C19orf44: variants seen among roughly 807,000 people sequenced by gnomAD.
C19orf44 encodes uncharacterized protein C19orf44.
C19orf44 carries 43 observed loss-of-function variants against 50.7 expected under a neutral mutation model. The ratio of observed to expected loss-of-function variants is 0.85; its 90% CI spans 0.66 to 1.09. The LOEUF (loss-of-function observed/expected upper bound fraction) is 1.09. C19orf44 is among the 50% of genes least tolerant of loss of function. C19orf44 has a pLI of 0.00. For missense variants in C19orf44, 722 were observed against 836.2 expected (o/e 0.86, Z 1.68); for synonymous variants, 298 against 334.7 (o/e 0.89, Z 1.20).
chr19:16,508,135 G>A (rs1239979542), intron 4 of C19orf44, among the ~76,000 whole-genome samples: 1 of 148,814 alleles, frequency 6.7e-6, no homozygotes, highest in East Asian at 2.0e-4. Context: ...ACACAGTCTC[G>A]CTCTGTCGCC....
intron 7 of C19orf44, 33 bp downstream of exon 7, chr19:16,514,696 C>A (rs775030614): frequency 2.0e-6 from 3 of 1,502,310 alleles, no homozygotes; most frequent in South Asian, 1.3e-5. Context: ...AGGGGCAGGG[C>A]AGTAGGGGAG....
At chr19:16,511,138 G>A (rs2093456121) in intron 5 of C19orf44, among the ~76,000 whole-genome samples, 1 of 151,906 alleles carries the variant, frequency 6.6e-6, no homozygotes, top group Non-Finnish European at 1.5e-5. Context: ...CTGGGTTCAA[G>A]CGATTCTCCT....
chr19:16,498,662 C>G (rs780255980), intron 1 of C19orf44, among the ~76,000 whole-genome samples: 1 of 151,678 alleles, frequency 6.6e-6, no homozygotes, highest in Non-Finnish European at 1.5e-5. Context: ...GTAGTAGCTC[C>G]TCATGGTTTT....
Position 16,519,424 on chromosome 19 carries a change from T to C in C19orf44, c.*41-670T>C, listed in dbSNP as rs575934927. 1.3e-6 allele frequency: 2 copies of C among 1,482,456 alleles called. No individual in the cohort carries two copies. Among genetic ancestry groups the C allele is most frequent in the East Asian group, 4.5e-5 (2 of 44,028 alleles). 91.8% of individuals were successfully genotyped at this position (1,482,456 alleles called of 1,614,324 possible). On this transcript the variant is annotated intron_variant, in intron 8 of 8. Transcript: ENST00000221671. This position sits in a 1 kb window ranked among gnomAD's most constrained non-coding sequence, Gnocchi z 6.0. ...GGGGGTGCACGTGGGGGGCTGAATGTCCAGACAGGCAGTGTAGACATGGGA... is the reference window on the plus strand; with the variant it reads ...GGGGGTGCACGTGGGGGGCTGAATGCCCAGACAGGCAGTGTAGACATGGGA...
intron 1 of C19orf44, among the ~76,000 whole-genome samples, chr19:16,498,378 G>A (rs2093415831): frequency 6.6e-6 from 1 of 152,044 alleles, no homozygotes; most frequent in Non-Finnish European, 1.5e-5. Context: ...CAAACTCCTG[G>A]GCTCAAGCAA....
intron 5 of C19orf44, among the ~76,000 whole-genome samples, chr19:16,510,369 C>T (rs1212427636): frequency 6.6e-6 from 1 of 152,092 alleles, no homozygotes; most frequent in African/African-American, 2.4e-5. Flanking sequence ...CCCCTGCACT[C>T]CAGCCTGGGT....
At chr19:16,515,974 C>A (rs1020352645) in intron 7 of C19orf44, among the ~76,000 whole-genome samples, 2 of 152,074 alleles carry the variant, frequency 1.3e-5, no homozygotes, top group Non-Finnish European at 2.9e-5. Flanking sequence ...TTTTTCATAT[C>A]TTTAGTAGAG....
In C19orf44 at chr19:16,501,224, C is replaced by A. The variant is rs770949440; in HGVS notation, c.432C>A (p.Ser144=). 6.2e-7 allele frequency: 1 copy of A among 1,614,010 alleles called. No individual in the cohort carries two copies. Among genetic ancestry groups the A allele is most frequent in the South Asian group, 1.1e-5 (1 of 91,082 alleles). ...CTGGGGGTGCACTCGAACTCGCGTC[C>A]CAGAACACAGACAAAACTTCCCAGA... ...ILSGGALELA[S]QNTDKTSQNQ... The change falls in exon 2 of 9, where the codon TCC becomes TCA. Residue 144 remains serine, a synonymous_variant. Coordinates refer to ENST00000221671, the MANE Select transcript of C19orf44 (RefSeq NM_032207.4).
intron 2 of C19orf44, among the ~76,000 whole-genome samples, chr19:16,502,503 C>T (rs1280223797): frequency 3.9e-5 from 6 of 152,094 alleles, no homozygotes; most frequent in African/African-American, 9.6e-5. Flanking sequence ...CCCAAAGTGC[C>T]GGGATTTACA....
intron 8 of C19orf44, chr19:16,518,626 G>A (rs1182098123): frequency 1.3e-5 from 2 of 154,290 alleles, no homozygotes; most frequent in Non-Finnish European, 2.9e-5. Context: ...TCAAGTCAAA[G>A]TTTTGTGTTT....
rs374868976 is a variant in C19orf44 at position 16,519,281 on chromosome 19, G to A, written c.*41-813G>A. On this transcript the variant is annotated intron_variant, in intron 8 of 8. Transcript: ENST00000221671. This position sits in a 1 kb window ranked among gnomAD's most constrained non-coding sequence, Gnocchi z 6.0. ...CCTTTATACTGGTCCCACTTATCCC[G>A]GACGTCCCCGCCCTTGATGGGGTCC... The A allele has an allele frequency of 6.2e-7, 1 of 1,614,002 alleles. No individual in the cohort carries two copies.
chr19:16,503,133 A>T lies in C19orf44; in HGVS notation c.828A>T (p.Thr276=). 6.2e-7 allele frequency: 1 copy of T among 1,614,202 alleles called. No individual in the cohort carries two copies. The highest frequency in any genetic ancestry group is 8.5e-7 in the Non-Finnish European group (1 of 1,180,046). ...TCTCCAGCGCAAAGCCTTCTCAGAC[A>T]TCACACCTGCCAACCTCCCTGGCAG... ...VELSSAKPSQ[T]SHLPTSLAAD... The change falls in exon 3 of 9, where the codon ACA becomes ACT. Residue 276 remains threonine, a synonymous_variant. Transcript: ENST00000221671.
intron 6 of C19orf44, among the ~76,000 whole-genome samples, chr19:16,513,684 C>G (rs1210783108): frequency 6.6e-6 from 1 of 152,198 alleles, no homozygotes; most frequent in Non-Finnish European, 1.5e-5. Context: ...CTGCCTGGCA[C>G]AAGACCACTT....
Position 16,521,048 on chromosome 19 carries a change from A to G in C19orf44, c.*995A>G, listed in dbSNP as rs1194148914. 6 of 749,354 alleles carry G rather than the reference A, an allele frequency of 8.0e-6. No homozygotes were observed. Among genetic ancestry groups the G allele is most frequent in the African/African-American group, 1.7e-5 (1 of 58,300 alleles). The allele number at this position is 749,354 out of a possible 1,614,324, so 46.4% of individuals were successfully genotyped here. A position where few individuals can be genotyped will look rare whatever the true frequency, so the allele number is the denominator to read the frequency against. On this transcript the variant is annotated 3_prime_UTR_variant, in exon 9 of 9. Coordinates refer to ENST00000221671, the MANE Select transcript of C19orf44 (RefSeq NM_032207.4). ...GGCTGTGGGCTCCGAGCATGGGCGC[A>G]GTAGAGCTTGGTTCAGTGTTCCCAC...
At chr19:16,510,257 A>C in intron 5 of C19orf44, 1 of 415,938 alleles carries the variant, frequency 2.4e-6, no homozygotes. Context: ...AAATACAAAA[A>C]TTAGCTGGCT....
intron 8 of C19orf44, chr19:16,517,888 GA>G (rs2085559423): frequency 1.3e-5 from 2 of 152,342 alleles, no homozygotes; most frequent in African/African-American, 4.8e-5. Context: ...ATGTGCGGGA[GA>G]AAGGTCTTTA....
At chr19:16,514,714 T>G (rs1599739321) in intron 7 of C19orf44, 51 bp downstream of exon 7, 2 of 1,461,020 alleles carry the variant, frequency 1.4e-6, no homozygotes. Flanking sequence ...GAGCGGCAGC[T>G]CCCAGAGGCC....
At position 16,503,069 on chromosome 19, in the gene C19orf44, C is replaced by G. The variant is rs2093430324; in HGVS notation, c.764C>G (p.Pro255Arg). 1.9e-6 allele frequency: 3 copies of G among 1,610,976 alleles called. No homozygotes were observed. In the East Asian group the frequency reaches 6.7e-5, roughly 36 times the overall value. The change falls in exon 3 of 9, where the codon CCA (proline) becomes CGA (arginine). Residue 255 changes from proline to arginine, a missense_variant. Transcript: ENST00000221671. Reference sequence around the variant, plus strand: ...ATTTCAAGTGTTTTATATCAGGTCCCATCTCAACTGAGAGCATTTACTGTA... The same window carrying G: ...ATTTCAAGTGTTTTATATCAGGTCCGATCTCAACTGAGAGCATTTACTGTA... Reference protein sequence around the residue: ...EEEERKLFSVPSQLRAFTVPS... With the variant: ...EEEERKLFSVRSQLRAFTVPS...
In C19orf44 at chr19:16,503,395, G is replaced by A. The variant is rs200689896; in HGVS notation, c.1075+15G>A. On this transcript the variant is annotated intron_variant, in intron 3 of 8. Transcript: ENST00000221671. ...CAGCCTCGACGGTAATCCCAGTCCC[G>A]GTGCAAAGCCAGTACCTTGGGCAGG... 3.6e-5 allele frequency: 57 copies of A among 1,598,122 alleles called. No individual in the cohort carries two copies. In the East Asian group the frequency reaches 9.6e-4, roughly 27 times the overall value.
Sources: gnomAD v4.1 joint callset for allele counts (sites outside exome capture counted in the v4.1 genomes callset) on GRCh38, gnomAD v4.1.1 for gene constraint, Gnocchi (gnomAD v3.1) non-coding constraint, MANE v1.5 for transcripts, NCBI Gene and HGNC (gene_info 2026-07-23, HGNC 2026-07-21) for gene names.